The following TMEM141 variants were observed in gnomAD, a reference collection of about 807,000 sequenced individuals.
TMEM141 encodes transmembrane protein 141.
TMEM141 carries 18 observed loss-of-function variants against 15.9 expected under a neutral mutation model. That is an observed-to-expected ratio of 1.13 (90% CI 0.78 to 1.68). The LOEUF is 1.68. Among genes scored for constraint, TMEM141 ranks in the 40% most tolerant of loss-of-function variants. TMEM141 has a pLI of 0.00. For synonymous variants in TMEM141, 69 were observed against 54.0 expected (o/e 1.28, Z -1.22); for missense variants, 161 against 139.5 (o/e 1.15, Z -0.78).
Position 136,791,417 on chromosome 9 carries a change from A to C in TMEM141, c.47A>C (p.Lys16Thr). Residue 16 changes from lysine to threonine, a missense_variant, in exon 1 of 5, where the codon AAG becomes ACG. Physicochemically the swap from Lys to Thr is moderately conservative, Grantham distance 78. Transcript: ENST00000290079. ...CGGGTGGACGACGCCGTGGCTGCCA[A>C]GCACCCGGTGAGAAGGCCGGTCTGG... ...LSRVDDAVAA[K>T]HPGLGEYAAC... is the part of the protein sequence containing the mutation. 6.4e-7 allele frequency: 1 copy of C among 1,558,426 alleles called. No homozygotes were observed. Among genetic ancestry groups the C allele is most frequent in the Non-Finnish European group, 8.7e-7 (1 of 1,151,480 alleles).
In TMEM141 at chr9:136,792,251, T is replaced by C. The variant is rs1847598686; in HGVS notation, c.206T>C (p.Val69Ala). The change falls in exon 4 of 5, where the codon GTT becomes GCT. Residue 69 changes from valine (V) to alanine (A), a missense_variant and splice_region_variant. Coordinates refer to ENST00000290079, the MANE Select transcript of TMEM141 (RefSeq NM_032928.4). ...CCCTCTTCCATTTCCTGCTCCACAG[T>C]TGCAGGCTCTGTGGTCAGCTACGGG... is the stretch of plus-strand genomic sequence containing the variant. The part of the protein sequence containing the change: ...PLQWSLLVAV[V>A]AGSVVSYGVT... 6.3e-7 allele frequency: 1 copy of C among 1,576,328 alleles called. No individual in the cohort carries two copies. Among genetic ancestry groups the C allele is most frequent in the South Asian group, 1.2e-5 (1 of 86,476 alleles).
chr9:136,791,820 C>T, intron 2 of TMEM141, 43 bp downstream of exon 2: 1 of 1,607,956 alleles, frequency 6.2e-7, no homozygotes. Flanking sequence ...GAGAACGCAC[C>T]CTCCCGCCCT....
rs1222522251 is a variant in TMEM141 at position 136,792,350 on chromosome 9, G to A, written c.305G>A (p.Arg102Lys). Residue 102 changes from arginine (R) to lysine (K), a missense_variant, in exon 4 of 5, where the codon AGG (arginine) becomes AAG (lysine). Coordinates refer to ENST00000290079, the MANE Select transcript of TMEM141 (RefSeq NM_032928.4). ...FLETGQLPKD[R>K]STDQRS The stretch of plus-strand genomic sequence containing the variant: ...GAGACCGGGCAGCTCCCCAAAGACA[G>A]GAGCACAGGTGAGAGAGCCTGGGGG... The A allele has an allele frequency of 1.9e-6, 3 of 1,573,678 alleles. No homozygotes were observed. In the East Asian group the frequency reaches 7.0e-5, roughly 37 times the overall value.
At chr9:136,792,728 C>A in intron 4 of TMEM141, 91 bp from the exon 5 acceptor site, 1 of 1,034,748 alleles carries the variant, frequency 9.7e-7, no homozygotes, top group Non-Finnish European at 1.4e-6. Flanking sequence ...GTCCTTGTTA[C>A]GGAACCCAGT....
chr9:136,792,049 C>T lies in TMEM141; in HGVS notation c.205+19C>T. ...GCCGTGGGTGGGTACTCCAGGGCCC[C>T]TGCCTGGGCTCTTTGAGGGGTGGGT... is the stretch of plus-strand genomic sequence containing the variant. On this transcript the variant is annotated intron_variant, in intron 3 of 4. Transcript: ENST00000290079. 3 of 1,613,110 alleles carry T rather than the reference C, an allele frequency of 1.9e-6. No homozygotes were observed. Among genetic ancestry groups the T allele is most frequent in the Non-Finnish European group, 2.5e-6 (3 of 1,179,466 alleles).
At chr9:136,792,434 G>A in intron 4 of TMEM141, 76 bp downstream of exon 4, 2 of 1,235,878 alleles carry the variant, frequency 1.6e-6, no homozygotes, top group Non-Finnish European at 2.3e-6. Flanking sequence ...CCAAGCCTGG[G>A]TGCACCATGC....
In TMEM141 at chr9:136,792,286, G is replaced by A; in HGVS notation, c.241G>A (p.Val81Met). The A allele has an allele frequency of 6.3e-7, 1 of 1,589,612 alleles. No homozygotes were observed. The highest frequency in any genetic ancestry group is 8.6e-7 in the Non-Finnish European group (1 of 1,167,556). The change falls in exon 4 of 5, where the codon GTG becomes ATG. Residue 81 changes from valine to methionine, a missense_variant. Coordinates refer to ENST00000290079, the MANE Select transcript of TMEM141 (RefSeq NM_032928.4). ...TGTGGTCAGCTACGGGGTGACGAGA[G>A]TGGAGTCGGAGAAATGCAACAACCT... The part of the protein sequence containing the change: ...GSVVSYGVTR[V>M]ESEKCNNLWL...
chr9:136,792,721 C>A, intron 4 of TMEM141, 98 bp from the exon 5 acceptor site: 1 of 965,976 alleles, frequency 1.0e-6, no homozygotes, highest in Non-Finnish European at 1.6e-6. Context: ...GCCCGTTGTC[C>A]TTGTTACGGA....
In TMEM141 at chr9:136,791,424, G is replaced by T; in HGVS notation, c.54G>T (p.Pro18=). ...RVDDAVAAKH[P]GLGEYAACQS... ...ACGACGCCGTGGCTGCCAAGCACCC[G>T]GTGAGAAGGCCGGTCTGGGACGCGG... The change falls in exon 1 of 5, where the codon CCG becomes CCT. Residue 18 remains proline, a splice_region_variant and synonymous_variant. Transcript: ENST00000290079. 1.3e-6 allele frequency: 2 copies of T among 1,556,958 alleles called. No homozygotes were observed. Among genetic ancestry groups the T allele is most frequent in the Non-Finnish European group, 1.7e-6 (2 of 1,150,636 alleles).
intron 4 of TMEM141, 54 bp from the exon 5 acceptor site, chr9:136,792,765 G>T: frequency 7.2e-7 from 1 of 1,388,352 alleles, no homozygotes; most frequent in Non-Finnish European, 9.9e-7. Context: ...TGGGCACAGG[G>T]ATGCCCAGCC....
rs1033013845 is a variant in TMEM141, at chr9:136,792,925, C to A, written c.*93C>A. On this transcript the variant is annotated 3_prime_UTR_variant, in exon 5 of 5. Transcript: ENST00000290079. ...TGACCCCAGGCCGACCCTCCCCACA[C>A]CCTAGGGTACCCCAGTCGTATCCTC... The A allele has an allele frequency of 5.1e-5, 72 of 1,399,698 alleles. No homozygotes were observed. The highest frequency in any genetic ancestry group is 6.7e-5 in the Non-Finnish European group (72 of 1,070,906). The allele number at this position is 1,399,698 out of a possible 1,614,324, so 86.7% of individuals were successfully genotyped here.
chr9:136,791,591 C>G (rs1045156574), intron 1 of TMEM141, 120 bp from the exon 2 acceptor site: 136 of 1,566,278 alleles, frequency 8.7e-5, no homozygotes, highest in Non-Finnish European at 1.2e-4. Context: ...GGAGGTGGGA[C>G]GTGTCCAAGC....
In TMEM141 at chr9:136,793,110, T is replaced by A. The variant is rs1847607849; in HGVS notation, c.*278T>A. 1 of 280,746 alleles carries A rather than the reference T, an allele frequency of 3.6e-6. No individual in the cohort carries two copies. The highest frequency in any genetic ancestry group is 5.4e-5 in the Admixed American group (1 of 18,670). The allele number at this position is 280,746 out of a possible 1,614,324, so 17.4% of individuals were successfully genotyped here. Reference sequence around the variant, plus strand: ...TTCTGCACTGCCAGCAGAGAGGGTGTGTCTGGGGGCCACCACCTATGGGAC... The same window carrying A: ...TTCTGCACTGCCAGCAGAGAGGGTGAGTCTGGGGGCCACCACCTATGGGAC... On this transcript the variant is annotated 3_prime_UTR_variant, in exon 5 of 5. Coordinates refer to ENST00000290079, the MANE Select transcript of TMEM141 (RefSeq NM_032928.4).
At chr9:136,791,620 C>T in intron 1 of TMEM141, 91 bp from the exon 2 acceptor site, 1 of 1,579,532 alleles carries the variant, frequency 6.3e-7, no homozygotes, top group Non-Finnish European at 8.6e-7. Flanking sequence ...TCTCACTCCT[C>T]CACAGCCAGG....
Position 136,792,295 on chromosome 9 carries a change from G to A in TMEM141, c.250G>A (p.Glu84Lys). The stretch of plus-strand genomic sequence containing the variant: ...CTACGGGGTGACGAGAGTGGAGTCG[G>A]AGAAATGCAACAACCTCTGGCTCTT... The part of the protein sequence containing the change: ...VSYGVTRVES[E>K]KCNNLWLFLE... Residue 84 changes from glutamate (E) to lysine (K), a missense_variant, in exon 4 of 5, where the codon GAG becomes AAG. Coordinates refer to ENST00000290079, the MANE Select transcript of TMEM141 (RefSeq NM_032928.4). The A allele has an allele frequency of 6.3e-7, 1 of 1,590,434 alleles. No homozygotes were observed. The highest frequency in any genetic ancestry group is 8.6e-7 in the Non-Finnish European group (1 of 1,167,980).
At position 136,791,731 on chromosome 9, in the gene TMEM141, A is replaced by G. The variant is rs199731386; in HGVS notation, c.75A>G (p.Ala25=). 2.1e-5 allele frequency: 34 copies of G among 1,613,362 alleles called. No individual in the cohort carries two copies. Among genetic ancestry groups the G allele is most frequent in the Non-Finnish European group, 2.6e-5 (31 of 1,179,912 alleles). ...AKHPGLGEYA[A]CQSHAFMKGV... ...CCCAGGGACTCGGGGAGTATGCCGC[A>G]TGCCAGTCACACGCCTTCATGAAGG... The change falls in exon 2 of 5, where the codon GCA becomes GCG. Residue 25 remains alanine (A), a synonymous_variant. Coordinates refer to ENST00000290079, the MANE Select transcript of TMEM141 (RefSeq NM_032928.4).
rs1173848607 is a variant in TMEM141 at position 136,792,825 on chromosome 9, G to A, written c.320G>A (p.Arg107Lys). ...CTCTCTTTGCCTTTTACAGATCAGAGAAGCTAGGAGAGCTCCAGCAGGGGC... is the reference window on the plus strand; with the variant it reads ...CTCTCTTTGCCTTTTACAGATCAGAAAAGCTAGGAGAGCTCCAGCAGGGGC... ...QLPKDRSTDQ[R>K]S Residue 107 changes from arginine (R) to lysine (K), a missense_variant, in exon 5 of 5, where the codon AGA becomes AAA. Physicochemically the swap from Arg to Lys is conservative, Grantham distance 26. Coordinates refer to ENST00000290079, the MANE Select transcript of TMEM141 (RefSeq NM_032928.4). The A allele has an allele frequency of 5.1e-6, 8 of 1,568,284 alleles. No homozygotes were observed. In the African/African-American group the frequency reaches 5.5e-5, roughly 11 times the overall value.
intron 4 of TMEM141, 22 bp downstream of exon 4, chr9:136,792,380 C>G (rs1175381052): frequency 3.4e-5 from 52 of 1,544,990 alleles, no homozygotes; most frequent in African/African-American, 4.1e-5. Flanking sequence ...TGGGGGTTAG[C>G]GAGAAGTGAA....
At chr9:136,792,529 T>C (rs1388581471) in intron 4 of TMEM141, among the ~76,000 whole-genome samples, 171 bp downstream of exon 4, 1 of 152,076 alleles carries the variant, frequency 6.6e-6, no homozygotes, top group Non-Finnish European at 1.5e-5. Flanking sequence ...GTGGGCGCAG[T>C]AGACAGATCT....
Sources: gnomAD v4.1 joint callset for allele counts (sites outside exome capture counted in the v4.1 genomes callset) on GRCh38, gnomAD v4.1.1 for gene constraint, MANE v1.5 for transcripts, NCBI Gene and HGNC (gene_info 2026-07-23, HGNC 2026-07-21) for gene names.